Variants in SGCZ observed in about 807,000 individuals in gnomAD.
SGCZ encodes the protein sarcoglycan zeta.
SGCZ carries 40 observed loss-of-function variants against 41.3 expected under a neutral mutation model. The observed-to-expected ratio is 0.97, with a 90% confidence interval of 0.75 to 1.26. The LOEUF (loss-of-function observed/expected upper bound fraction) is 1.26. SGCZ is among the 50% of genes most tolerant of loss of function. The pLI is 0.00. For missense variants in SGCZ, 552 were observed against 369.8 expected (o/e 1.49, Z -4.04); for synonymous variants, 206 against 137.5 (o/e 1.50, Z -3.49).
At chr8:14,301,833 T>C (rs1470505455) in intron 3 of SGCZ, among the ~76,000 whole-genome samples, 4 of 150,692 alleles carry the variant, frequency 2.7e-5, no homozygotes, top group African/African-American at 4.8e-5. Context: ...TTGTTATTCA[T>C]CTATCTCTTT....
At chr8:14,513,500 A>AT (rs1310004434) in intron 2 of SGCZ, among the ~76,000 whole-genome samples, 3 of 152,002 alleles carry the variant, frequency 2.0e-5, no homozygotes, top group African/African-American at 7.2e-5. Flanking sequence ...TGATTCATAA[A>AT]TATTTCTATT....
At position 15,159,740 on chromosome 8, in the gene SGCZ, ACCCTC is replaced by A. The variant is rs1159793904; in HGVS notation, c.39+77840_39+77844del. ...CCCCTCCCTCGCCCCCGCCCCCCCC[ACCCTC>A]CCCCCCACCCCCGCCACACACACAC... On this transcript the variant is annotated intron_variant, in intron 1 of 7. Coordinates refer to ENST00000382080, the MANE Select transcript of SGCZ (RefSeq NM_139167.4). Among the ~76,000 whole-genome samples the A allele has an allele frequency of 1.7e-3, 10 of 5,870 alleles. 1 individual carries two copies. Among genetic ancestry groups the A allele is most frequent in the East Asian group, 0.016 (2 of 124 alleles). 3.9% of individuals were successfully genotyped at this position (5,870 alleles called of 152,430 possible). A position where few individuals can be genotyped will look rare whatever the true frequency, so the allele number is the denominator to read the frequency against.
chr8:14,662,207 T>C (rs1306554949), intron 1 of SGCZ, among the ~76,000 whole-genome samples: 2 of 152,204 alleles, frequency 1.3e-5, no homozygotes, highest in Non-Finnish European at 2.9e-5. Context: ...TTACAGTCTC[T>C]TTGCTTATCT....
intron 2 of SGCZ, among the ~76,000 whole-genome samples, chr8:14,355,298 C>T (rs980947702): frequency 6.6e-6 from 1 of 152,004 alleles, no homozygotes; most frequent in African/African-American, 2.4e-5. Context: ...AACTCAAAGT[C>T]TATATTCTCT....
intron 1 of SGCZ, among the ~76,000 whole-genome samples, chr8:15,152,180 C>T (rs1442529348): frequency 6.6e-6 from 1 of 152,090 alleles, no homozygotes; most frequent in African/African-American, 2.4e-5. Flanking sequence ...AGATGTCAAG[C>T]TGTTAGAAAT....
intron 4 of SGCZ, among the ~76,000 whole-genome samples, chr8:14,202,779 A>T (rs1444756596): frequency 6.6e-6 from 1 of 152,174 alleles, no homozygotes; most frequent in Non-Finnish European, 1.5e-5. Flanking sequence ...CTCTCCTGAC[A>T]CATTTTAAAA....
chr8:14,996,743 G>A lies in SGCZ; in HGVS notation c.39+240842C>T, dbSNP rs148978623. Among the ~76,000 whole-genome samples the A allele has an allele frequency of 7.9e-5, 12 of 152,300 alleles. No homozygotes were observed. In the East Asian group the frequency reaches 1.7e-3, roughly 22 times the overall value. ...TTCTGGATCTCCTTCCAAGGTCTTG[G>A]TTGTCCGTGGCCACAGCATTGACAT... On this transcript the variant is annotated intron_variant, in intron 1 of 7. Coordinates refer to ENST00000382080, the MANE Select transcript of SGCZ (RefSeq NM_139167.4).
Position 15,214,433 on chromosome 8 carries a change from G to C in SGCZ, c.39+23152C>G, listed in dbSNP as rs897208851. ...TGTCCTAAAAATTCACATTCACTGA[G>C]GTTTATTTGACTGTTTTAATTTTAA... On this transcript the variant is annotated intron_variant, in intron 1 of 7. Coordinates refer to ENST00000382080, the MANE Select transcript of SGCZ (RefSeq NM_139167.4). Among the ~76,000 whole-genome samples, 5 of 151,766 alleles carry C rather than the reference G, an allele frequency of 3.3e-5. No individual in the cohort carries two copies. The East Asian group carries it at 9.7e-4, about 29-fold the overall frequency.
intron 2 of SGCZ, among the ~76,000 whole-genome samples, chr8:14,354,417 G>T (rs1803216718): frequency 6.6e-6 from 1 of 151,820 alleles, no homozygotes; most frequent in Non-Finnish European, 1.5e-5. Flanking sequence ...TGTGAATATA[G>T]TAAGATATTT....
chr8:14,883,244 A>AC (rs1269359719), intron 1 of SGCZ, among the ~76,000 whole-genome samples: 1 of 151,502 alleles, frequency 6.6e-6, no homozygotes, highest in Non-Finnish European at 1.5e-5. Flanking sequence ...TTAAAAAAAA[A>AC]AAAAAACCAC....
At chr8:14,154,953 G>A (rs1325445651) in intron 5 of SGCZ, among the ~76,000 whole-genome samples, 1 of 152,162 alleles carries the variant, frequency 6.6e-6, no homozygotes, top group South Asian at 2.1e-4. Flanking sequence ...TCGCCCAGTG[G>A]AGCAGGTATC....
chr8:14,999,219 G>T (rs1802323684), intron 1 of SGCZ, among the ~76,000 whole-genome samples: 1 of 152,114 alleles, frequency 6.6e-6, no homozygotes, highest in South Asian at 2.1e-4. Flanking sequence ...TCTCTTAAGT[G>T]CAAAACATTA....
chr8:14,830,871 G>A (rs965294105), intron 1 of SGCZ, among the ~76,000 whole-genome samples: 1 of 152,068 alleles, frequency 6.6e-6, no homozygotes, highest in African/African-American at 2.4e-5. Context: ...TTGAAAACTG[G>A]TGTTACAAGG....
chr8:15,088,659 T>A (rs4831677), intron 1 of SGCZ, among the ~76,000 whole-genome samples: 1 of 152,088 alleles, frequency 6.6e-6, no homozygotes, highest in South Asian at 2.1e-4. Flanking sequence ...ATGAGAAAAC[T>A]GTTGTCCCTT....
chr8:14,223,708 G>C (rs953405931), intron 4 of SGCZ, among the ~76,000 whole-genome samples: 8 of 152,212 alleles, frequency 5.3e-5, no homozygotes, highest in African/African-American at 1.9e-4. Flanking sequence ...GGAACCACCT[G>C]CCTATTCTGA....
At chr8:14,553,611 C>T (rs906283958) in intron 2 of SGCZ, among the ~76,000 whole-genome samples, 13 of 152,026 alleles carry the variant, frequency 8.6e-5, no homozygotes, top group South Asian at 2.1e-4. Context: ...GGTTAAGCCA[C>T]CTGCCCGCAC....
chr8:14,264,255 C>G (rs13257104), intron 3 of SGCZ, among the ~76,000 whole-genome samples: 103,782 of 152,064 alleles, frequency 0.68, 35,619 homozygotes, highest in Admixed American at 0.71. Context: ...GCACAGCATG[C>G]ACAGGGATGC....
intron 3 of SGCZ, among the ~76,000 whole-genome samples, chr8:14,286,851 T>C (rs1322622086): frequency 1.3e-5 from 2 of 152,100 alleles, no homozygotes; most frequent in African/African-American, 2.4e-5. Flanking sequence ...GTATTCCCAT[T>C]AGTACTTTTT....
chr8:14,095,094 T>C (rs541355822), intron 7 of SGCZ, among the ~76,000 whole-genome samples: 9 of 152,300 alleles, frequency 5.9e-5, no homozygotes, highest in East Asian at 1.9e-4. Context: ...ACTCTGATGA[T>C]AGTTTCTTTT....
Sources: gnomAD v4.1 joint callset for allele counts (sites outside exome capture counted in the v4.1 genomes callset) on GRCh38, gnomAD v4.1.1 for gene constraint, MANE v1.5 for transcripts, NCBI Gene and HGNC (gene_info 2026-07-23, HGNC 2026-07-21) for gene names.